The following EYS variants were observed in gnomAD, a reference collection of about 807,000 sequenced individuals.
EYS encodes EGF-like photoreceptor maintenance factor.
EYS carries 250 observed loss-of-function variants against 282.1 expected under a neutral mutation model. That is an observed-to-expected ratio of 0.89 (90% confidence interval 0.80 to 0.98). The LOEUF is 0.98. EYS is among the 50% of genes least tolerant of loss of function. EYS has a pLI of 0.00. For missense variants in EYS, 4,016 were observed against 3,709.0 expected (o/e 1.08, Z -2.15); for synonymous variants, 1,355 against 1,282.9 (o/e 1.06, Z -1.20).
At chr6:63,832,189 T>C (rs1472969876) in intron 36 of EYS, among the ~76,000 whole-genome samples, 1 of 152,084 alleles carries the variant, frequency 6.6e-6, no homozygotes, top group Non-Finnish European at 1.5e-5. Flanking sequence ...ATTCAAAAGC[T>C]AGCAGAAGGC....
chr6:64,997,686 A>G lies in EYS; in HGVS notation c.2155T>C (p.Cys719Arg), dbSNP rs1473545147. ...PPFKVVDGFS[C>R]LCNPGYVGIR... ...CCAACATAGCCTGGATTGCATAAGC[A>G]GGAAAAGCCATCAACCACTGGAAAC... The change falls in exon 14 of 43, where the codon TGC becomes CGC. Residue 719 changes from cysteine to arginine, a missense_variant. Coordinates refer to ENST00000503581, the MANE Select transcript of EYS (RefSeq NM_001142800.2). 2 of 1,551,040 alleles carry G rather than the reference A, an allele frequency of 1.3e-6. No homozygotes were observed. Among genetic ancestry groups the G allele is most frequent in the South Asian group, 2.4e-5 (2 of 84,008 alleles).
chr6:64,950,835 T>TATATATATATATATATATA (rs1562272809), intron 14 of EYS, among the ~76,000 whole-genome samples: 13 of 50,166 alleles, frequency 2.6e-4, no homozygotes, highest in Admixed American at 5.0e-4. Context: ...ATATATATAT[T>TATATATATATATATATATA]GTTGAATTGT....
intron 12 of EYS, among the ~76,000 whole-genome samples, chr6:65,149,817 C>T (rs1012244578): frequency 2.6e-5 from 4 of 152,106 alleles, no homozygotes; most frequent in Non-Finnish European, 4.4e-5. Context: ...AGTTTGTTCT[C>T]ACACTGCTAT....
intron 26 of EYS, among the ~76,000 whole-genome samples, chr6:64,468,162 G>T (rs1346536584): frequency 6.6e-6 from 1 of 152,072 alleles, no homozygotes; most frequent in Non-Finnish European, 1.5e-5. Flanking sequence ...ATCATTACAG[G>T]TGTCCAAGGA....
At chr6:65,023,367 C>T (rs1772305355) in intron 13 of EYS, among the ~76,000 whole-genome samples, 1 of 151,962 alleles carries the variant, frequency 6.6e-6, no homozygotes, top group South Asian at 2.1e-4. Context: ...TTTTCTCCAC[C>T]ACTGGAACAG....
At chr6:65,229,245 A>C (rs1766706320) in intron 12 of EYS, among the ~76,000 whole-genome samples, 1 of 150,938 alleles carries the variant, frequency 6.6e-6, no homozygotes, top group African/African-American at 2.4e-5. Context: ...GGACCATTTG[A>C]ACAACTAGTG....
chr6:65,537,365 G>T (rs1423269722), intron 2 of EYS, among the ~76,000 whole-genome samples: 3 of 152,054 alleles, frequency 2.0e-5, no homozygotes, highest in Non-Finnish European at 4.4e-5. Context: ...ATCATGCTAT[G>T]TGGAATATCA....
At chr6:64,373,240 T>G (rs1772444014) in intron 29 of EYS, among the ~76,000 whole-genome samples, 1 of 152,140 alleles carries the variant, frequency 6.6e-6, no homozygotes, top group East Asian at 1.9e-4. Context: ...GATTTTATTG[T>G]TGTTGTTGTT....
chr6:64,652,278 T>TA (rs893794749), intron 22 of EYS, among the ~76,000 whole-genome samples: 4 of 152,134 alleles, frequency 2.6e-5, no homozygotes, highest in African/African-American at 9.7e-5. Flanking sequence ...GGGTGGGCCT[T>TA]AATCTAATCA....
At chr6:65,107,359 T>A (rs1775069857) in intron 12 of EYS, among the ~76,000 whole-genome samples, 2 of 150,332 alleles carry the variant, frequency 1.3e-5, no homozygotes, top group East Asian at 3.9e-4. Context: ...CGAGGACTAT[T>A]TGCCCACCTT....
chr6:65,061,326 G>A (rs1373504166), intron 12 of EYS, among the ~76,000 whole-genome samples: 2 of 152,002 alleles, frequency 1.3e-5, no homozygotes, highest in South Asian at 2.1e-4. Flanking sequence ...CTTTTCAAAA[G>A]TTTCTGGGCA....
At chr6:64,081,651 C>T (rs1422828582) in intron 32 of EYS, among the ~76,000 whole-genome samples, 1 of 152,150 alleles carries the variant, frequency 6.6e-6, no homozygotes, top group African/African-American at 2.4e-5. Flanking sequence ...AGCTCAGATC[C>T]TGTTTGTAAG....
At chr6:65,111,637 C>A (rs1420149201) in intron 12 of EYS, among the ~76,000 whole-genome samples, 1 of 152,124 alleles carries the variant, frequency 6.6e-6, no homozygotes, top group Non-Finnish European at 1.5e-5. Context: ...CACCTGAGGT[C>A]AGGAGTTCGA....
intron 12 of EYS, among the ~76,000 whole-genome samples, chr6:65,182,830 C>T (rs192620057): frequency 1.3e-5 from 2 of 151,840 alleles, no homozygotes. Flanking sequence ...ACTCTATCAC[C>T]CAGGCTGGAG....
chr6:65,466,314 AT>A (rs1764997385), intron 5 of EYS, among the ~76,000 whole-genome samples: 1 of 151,268 alleles, frequency 6.6e-6, no homozygotes, highest in Non-Finnish European at 1.5e-5. Flanking sequence ...GAGATATTTC[AT>A]TGTTGACACT....
chr6:64,432,585 G>T (rs1774607621), intron 28 of EYS, among the ~76,000 whole-genome samples: 1 of 150,944 alleles, frequency 6.6e-6, no homozygotes, highest in African/African-American at 2.4e-5. Context: ...ATGATTATAA[G>T]TAGTATATAG....
chr6:65,597,937 C>G (rs1765467194), intron 2 of EYS, among the ~76,000 whole-genome samples: 1 of 151,832 alleles, frequency 6.6e-6, no homozygotes, highest in African/African-American at 2.4e-5. Flanking sequence ...CCTGTCTCAA[C>G]TGAAATAAAA....
At chr6:65,548,794 A>C (rs1768490017) in intron 2 of EYS, among the ~76,000 whole-genome samples, 1 of 152,232 alleles carries the variant, frequency 6.6e-6, no homozygotes, top group African/African-American at 2.4e-5. Context: ...CTGGATACAA[A>C]TACACAGACA....
chr6:64,860,494 G>T (rs1766203164), intron 19 of EYS, among the ~76,000 whole-genome samples: 1 of 152,220 alleles, frequency 6.6e-6, no homozygotes, highest in Non-Finnish European at 1.5e-5. Flanking sequence ...GGTTGTGACT[G>T]GGCCAGAAGT....
Sources: gnomAD v4.1 joint callset for allele counts (sites outside exome capture counted in the v4.1 genomes callset) on GRCh38, gnomAD v4.1.1 for gene constraint, MANE v1.5 for transcripts, NCBI Gene and HGNC (gene_info 2026-07-23, HGNC 2026-07-21) for gene names.